Variants in STAB1 observed in about 807,000 individuals in gnomAD.
STAB1 encodes the protein stabilin 1.
Under a neutral mutation model 332.4 loss-of-function variants are expected in STAB1, and 250 were observed. That is an observed-to-expected ratio of 0.75 (90% CI 0.68 to 0.84). The LOEUF (loss-of-function observed/expected upper bound fraction) is 0.84. Ranked by LOEUF, STAB1 falls within the 40% of genes least tolerant of loss-of-function variation. The pLI is 0.00. For synonymous variants in STAB1, 1,475 were observed against 1,390.4 expected (o/e 1.06, Z -1.35); for missense variants, 3,249 against 3,489.7 (o/e 0.93, Z 1.74).
rs907594905 is a variant in STAB1 at position 52,508,913 on chromosome 3, T to C, written c.2236-297T>C. 2.0e-5 allele frequency among the ~76,000 whole-genome samples: 3 copies of C among 152,216 alleles called. No homozygotes were observed. The South Asian group carries it at 6.2e-4, about 32-fold the overall frequency. On this transcript the variant is annotated intron_variant, in intron 21 of 68. Transcript: ENST00000321725. ...AAAAAGGCTACTTGGTGGTTTTCTT[T>C]TGTGTTCTGTTTTTACCACTTTGTA... is the stretch of plus-strand genomic sequence containing the variant.
Position 52,510,421 on chromosome 3 carries a change from G to A in STAB1, c.2701G>A (p.Val901Ile), listed in dbSNP as rs569908210. The change falls in exon 25 of 69, where the codon GTC (valine) becomes ATC (isoleucine). Residue 901 changes from valine to isoleucine, a missense_variant. Coordinates refer to ENST00000321725, the MANE Select transcript of STAB1 (RefSeq NM_015136.3). ...CAAAGGCTGGAGTGGGGATGGCCGC[G>A]TCTGTGTGGCTATTGACGAGTGTGA... is the stretch of plus-strand genomic sequence containing the variant. ...CHKGWSGDGR[V>I]CVAIDECELD... is the part of the protein sequence containing the mutation. 16 of 1,613,906 alleles carry A rather than the reference G, an allele frequency of 9.9e-6. No individual in the cohort carries two copies. The highest frequency in any genetic ancestry group is 5.3e-5 in the African/African-American group (4 of 75,046).
chr3:52,518,963 C>G, intron 48 of STAB1, 94 bp downstream of exon 48: 2 of 1,315,150 alleles, frequency 1.5e-6, no homozygotes, highest in Non-Finnish European at 2.0e-6. Context: ...CAGTCAAGAA[C>G]CCCACCTCCC....
At chr3:52,502,261 G>A (rs746455331) in intron 5 of STAB1, 33 bp downstream of exon 5, 1 of 1,601,624 alleles carries the variant, frequency 6.2e-7, no homozygotes, top group East Asian at 2.2e-5. Flanking sequence ...GGCACGGCCA[G>A]CGTCCACCTG....
intron 36 of STAB1, 118 bp downstream of exon 36, chr3:52,515,163 G>C (rs890081020): frequency 7.6e-7 from 1 of 1,323,946 alleles, no homozygotes; most frequent in Non-Finnish European, 1.0e-6. Flanking sequence ...CAGGCTCAGG[G>C]AACTGGGTGG....
At position 52,512,398 on chromosome 3, in the gene STAB1, G is replaced by C; in HGVS notation, c.2941G>C (p.Gly981Arg). The C allele has an allele frequency of 1.2e-6, 2 of 1,610,298 alleles. No individual in the cohort carries two copies. Among genetic ancestry groups the C allele is most frequent in the Non-Finnish European group, 1.7e-6 (2 of 1,178,866 alleles). Residue 981 changes from glycine to arginine, a missense_variant, in exon 27 of 69, where the codon GGG (glycine) becomes CGG (arginine). Physicochemically the swap from Gly to Arg is moderately radical, Grantham distance 125. Transcript: ENST00000321725. ...QRVCTCPPGFGGDGFSCYGDI... is the reference protein window; with the variant it reads ...QRVCTCPPGFRGDGFSCYGDI... ...GGTCTGCACGTGCCCCCCTGGCTTT[G>C]GGGGTGATGGCTTCAGCTGTTATGG...
intron 5 of STAB1, 133 bp downstream of exon 5, chr3:52,502,361 G>T: frequency 9.7e-7 from 1 of 1,025,712 alleles, no homozygotes; most frequent in East Asian, 2.6e-5. Context: ...ATCCCTTTCA[G>T]GAACATGTGC....
intron 42 of STAB1, 62 bp downstream of exon 42, chr3:52,517,171 G>T: frequency 6.6e-7 from 1 of 1,511,818 alleles, no homozygotes; most frequent in Non-Finnish European, 8.8e-7. Flanking sequence ...AGTGATCTGA[G>T]TCAGATTAGG....
chr3:52,513,504 G>A (rs1358685908), intron 30 of STAB1, among the ~76,000 whole-genome samples: 2 of 152,194 alleles, frequency 1.3e-5, no homozygotes, highest in Non-Finnish European at 2.9e-5. Context: ...CGGGCCCTGG[G>A]GAGGGTCTGT....
intron 67 of STAB1, 26 bp from the exon 68 acceptor site, chr3:52,524,074 G>A (rs753092447): frequency 9.3e-6 from 15 of 1,612,812 alleles, no homozygotes; most frequent in African/African-American, 6.7e-5. Context: ...GAGGCGCCTC[G>A]CCACTCACCC....
In STAB1 at chr3:52,521,450, G is replaced by A. The variant is rs1311624437; in HGVS notation, c.5998G>A (p.Gly2000Ser). Reference protein sequence around the residue: ...SGSGQCLCRSGFAGTACELCA... With the variant: ...SGSGQCLCRSSFAGTACELCA... ...CAGTGGGCAGTGTCTGTGCCGTTCA[G>A]GTTTTGCTGGGACAGCCTGTGAACT... Residue 2000 changes from glycine (G) to serine (S), a missense_variant, in exon 56 of 69, where the codon GGT (glycine) becomes AGT (serine). Physicochemically the swap from Gly to Ser is moderately conservative, Grantham distance 56 (BLOSUM62 0). Coordinates refer to ENST00000321725, the MANE Select transcript of STAB1 (RefSeq NM_015136.3). The A allele has an allele frequency of 6.2e-7, 1 of 1,614,038 alleles. No individual in the cohort carries two copies. Among genetic ancestry groups the A allele is most frequent in the African/African-American group, 1.3e-5 (1 of 75,066 alleles).
At position 52,495,397 on chromosome 3, in the gene STAB1, C is replaced by A; in HGVS notation, c.-17C>A. ...CCCTACGCCCCGACTCTGTCCTGGA[C>A]AGCGTGCCCACCAGCCATGGCGGGG... On this transcript the variant is annotated 5_prime_UTR_variant, in exon 1 of 69. Transcript: ENST00000321725. The A allele has an allele frequency of 7.5e-7, 1 of 1,336,488 alleles. No individual in the cohort carries two copies. The highest frequency in any genetic ancestry group is 9.6e-7 in the Non-Finnish European group (1 of 1,036,424). The allele number at this position is 1,336,488 out of a possible 1,614,324, so 82.8% of individuals were successfully genotyped here. A position where few individuals can be genotyped will look rare whatever the true frequency, so the allele number is the denominator to read the frequency against.
At position 52,505,079 on chromosome 3, in the gene STAB1, G is replaced by A; in HGVS notation, c.1454G>A (p.Gly485Asp). Residue 485 changes from glycine to aspartate, a missense_variant, in exon 13 of 69, where the codon GGC becomes GAC. Gly to Asp is a moderately conservative substitution (Grantham distance 94). Coordinates refer to ENST00000321725, the MANE Select transcript of STAB1 (RefSeq NM_015136.3). ...AAGGCCAACAACATAGCAGCTAATG[G>A]CGTCTTCCACGTGGTCACTGGCCTG... is the stretch of plus-strand genomic sequence containing the variant. ...IYKANNIAANGVFHVVTGLRW... is the reference protein window; with the variant it reads ...IYKANNIAANDVFHVVTGLRW... 6.2e-7 allele frequency: 1 copy of A among 1,613,762 alleles called. No homozygotes were observed. The highest frequency in any genetic ancestry group is 8.5e-7 in the Non-Finnish European group (1 of 1,180,012).
chr3:52,519,463 C>T (rs1220415649), intron 49 of STAB1, 42 bp from the exon 50 acceptor site: 12 of 1,612,400 alleles, frequency 7.4e-6, no homozygotes, highest in Non-Finnish European at 1.0e-5. Context: ...TGGGATCCTC[C>T]CTTCCCGCCT....
chr3:52,512,119 C>A (rs538687986), intron 26 of STAB1, among the ~76,000 whole-genome samples: 32 of 152,360 alleles, frequency 2.1e-4, no homozygotes, highest in Non-Finnish European at 3.4e-4. Flanking sequence ...GCCCTGAGCT[C>A]CCTCGCATCC....
intron 27 of STAB1, 69 bp downstream of exon 27, chr3:52,512,505 G>A: frequency 6.2e-7 from 1 of 1,612,136 alleles, no homozygotes; most frequent in East Asian, 2.2e-5. Context: ...AGCACCTCAG[G>A]TGGGAAAGGG....
At position 52,513,205 on chromosome 3, in the gene STAB1, C is replaced by G. The variant is rs1213482172; in HGVS notation, c.3234C>G (p.Asn1078Lys). ...GTGGGCAGGAAGTGGCCACCCTGAA[C>G]CCCACCACACGCTGGGAGATTCGCA... Reference protein sequence around the residue: ...RLGGQEVATLNPTTRWEIRNI... With the variant: ...RLGGQEVATLKPTTRWEIRNI... The change falls in exon 30 of 69, where the codon AAC becomes AAG. Residue 1078 changes from asparagine to lysine, a missense_variant. By Grantham distance (94) the Asn-to-Lys change is moderately conservative. Coordinates refer to ENST00000321725, the MANE Select transcript of STAB1 (RefSeq NM_015136.3). 12 of 1,585,502 alleles carry G rather than the reference C, an allele frequency of 7.6e-6. No individual in the cohort carries two copies. In the South Asian group the frequency reaches 1.0e-4, roughly 14 times the overall value.
In STAB1 at chr3:52,524,485, C is replaced by T; in HGVS notation, c.*129C>T. On this transcript the variant is annotated 3_prime_UTR_variant, in exon 69 of 69. Coordinates refer to ENST00000321725, the MANE Select transcript of STAB1 (RefSeq NM_015136.3). Reference sequence around the variant, plus strand: ...AAAGGTGCCCTCAGCGGATGTGGGCCATGTCACCAAGGAAGGGGGTCTTCA... The same window carrying T: ...AAAGGTGCCCTCAGCGGATGTGGGCTATGTCACCAAGGAAGGGGGTCTTCA... 6.2e-7 allele frequency: 1 copy of T among 1,612,864 alleles called. No homozygotes were observed. Among genetic ancestry groups the T allele is most frequent in the Non-Finnish European group, 8.5e-7 (1 of 1,180,016 alleles).
chr3:52,521,247 A>G, intron 55 of STAB1, 114 bp from the exon 56 acceptor site: 1 of 1,450,928 alleles, frequency 6.9e-7, no homozygotes, highest in Non-Finnish European at 9.4e-7. Flanking sequence ...GAGGGATCTT[A>G]GCAGTGGGCG....
intron 14 of STAB1, 125 bp downstream of exon 14, chr3:52,505,506 C>A: frequency 1.6e-6 from 2 of 1,226,202 alleles, no homozygotes; most frequent in Non-Finnish European, 2.3e-6. Flanking sequence ...GCCCATGCCC[C>A]CGTCCTCAAG....
Sources: gnomAD v4.1 joint callset for allele counts (sites outside exome capture counted in the v4.1 genomes callset) on GRCh38, gnomAD v4.1.1 for gene constraint, MANE v1.5 for transcripts, NCBI Gene and HGNC (gene_info 2026-07-23, HGNC 2026-07-21) for gene names.